ZNF184: variants seen among roughly 807,000 people sequenced by gnomAD.
ZNF184 encodes zinc finger protein 184 (Kruppel-like).
A neutral mutation model predicts 54.4 loss-of-function variants in ZNF184; 16 were observed. That is an observed-to-expected ratio of 0.29 (90% confidence interval 0.20 to 0.45). ZNF184 has a LOEUF of 0.45. Ranked by LOEUF, ZNF184 falls within the 20% of genes least tolerant of loss-of-function variation. The pLI is 1.00. For synonymous variants in ZNF184, 254 were observed against 295.3 expected, an observed-to-expected ratio of 0.86 and a Z score of 1.43; for missense variants, 681 against 888.2, an observed-to-expected ratio of 0.77 and a Z score of 2.97.
At chr6:27,450,053 G>A (rs1048162304), downstream of ZNF184, among the ~76,000 whole-genome samples, 2 of 152,164 alleles carry the variant, frequency 1.3e-5, no homozygotes, top group East Asian at 3.9e-4. Flanking sequence ...AATGTGGTCT[G>A]GAATAGCTAG....
chr6:27,411,413 C>T, the ZNF184 span, among the ~76,000 whole-genome samples: 6 of 152,284 alleles, frequency 3.9e-5, no homozygotes, highest in South Asian at 8.3e-4. Context: ...TGACTAGATA[C>T]GGGCAAGGGA....
Position 27,456,841 on chromosome 6 carries a change from C to T in ZNF184, c.283G>A (p.Val95Ile), listed in dbSNP as rs761422824. The T allele has an allele frequency of 8.7e-6, 14 of 1,614,138 alleles. No individual in the cohort carries two copies. The African/African-American group carries it at 1.7e-4, about 20-fold the overall frequency. ...EPWIMEPSIP[V>I]GTCADWETRL... ...CATGACTTACCTGCACAGGTACCTA[C>T]TGGAATGCTTGGCTCCATGATCCAT... Residue 95 changes from valine (V) to isoleucine (I), a missense_variant, in exon 5 of 6, where the codon GTA (valine) becomes ATA (isoleucine). By Grantham distance (29) the Val-to-Ile change is conservative. Transcript: ENST00000683788.
intron 2 of ZNF184, among the ~76,000 whole-genome samples, 189 bp from the exon 3 acceptor site, chr6:27,468,109 G>A (rs967557978): frequency 2.6e-5 from 4 of 152,168 alleles, no homozygotes; most frequent in African/African-American, 7.2e-5. Context: ...AGGAGGTAAA[G>A]CATTGCTTTA....
chr6:27,419,161 T>C, the ZNF184 span, among the ~76,000 whole-genome samples: 1 of 152,194 alleles, frequency 6.6e-6, no homozygotes, highest in African/African-American at 2.4e-5. The surrounding 1 kb of genome is among the most constrained non-coding windows in gnomAD (Gnocchi z 4.8). Context: ...TGTAGTGCAG[T>C]GGCACAATCT....
chr6:27,406,085 A>G, the ZNF184 span: 1 of 152,188 alleles, frequency 6.6e-6, no homozygotes, highest in Non-Finnish European at 1.5e-5. Flanking sequence ...AATGATATAT[A>G]ATGGGGCTAT....
At chr6:27,457,520 C>A (rs1762888678) in intron 3 of ZNF184, 111 bp from the exon 4 acceptor site, 1 of 1,198,790 alleles carries the variant, frequency 8.3e-7, no homozygotes, top group Non-Finnish European at 1.2e-6. Context: ...GCAAAATAAT[C>A]TTGACATTTT....
chr6:27,461,210 T>C (rs1762986716), intron 3 of ZNF184, among the ~76,000 whole-genome samples: 1 of 152,156 alleles, frequency 6.6e-6, no homozygotes, highest in Non-Finnish European at 1.5e-5. Context: ...TGGGTAGACA[T>C]TCTTCATGTT....
intron 3 of ZNF184, among the ~76,000 whole-genome samples, chr6:27,465,665 G>A (rs1396448787): frequency 4.6e-5 from 7 of 151,956 alleles, no homozygotes; most frequent in East Asian, 1.9e-4. Context: ...GTTTCTCAAC[G>A]ATAAAGGAGT....
At chr6:27,407,801 T>C in the ZNF184 span, 4 of 778,322 alleles carry the variant, frequency 5.1e-6, no homozygotes, top group Non-Finnish European at 9.6e-6. Context: ...TGCACGATTA[T>C]GATGGCAATT....
chr6:27,457,020 T>G, intron 4 of ZNF184, 99 bp from the exon 5 acceptor site: 1 of 1,156,194 alleles, frequency 8.6e-7, no homozygotes, highest in Non-Finnish European at 1.2e-6. Flanking sequence ...TGATATGTAG[T>G]AAAAACCTGA....
downstream of ZNF184, among the ~76,000 whole-genome samples, chr6:27,447,072 C>CAAA (rs1321698681): frequency 3.1e-5 from 1 of 32,010 alleles, no homozygotes; most frequent in Admixed American, 3.8e-4. Flanking sequence ...CCACTGCAAT[C>CAAA]AAAAAAAAAA....
the ZNF184 span, among the ~76,000 whole-genome samples, chr6:27,412,500 CTG>C: frequency 2.6e-5 from 4 of 152,220 alleles, no homozygotes; most frequent in South Asian, 6.2e-4. Flanking sequence ...CCCCTTCACT[CTG>C]TAGTCAGAGC....
the ZNF184 span, among the ~76,000 whole-genome samples, chr6:27,422,927 A>C: frequency 6.6e-6 from 1 of 152,176 alleles, no homozygotes; most frequent in Non-Finnish European, 1.5e-5. Flanking sequence ...TATTGGGTTC[A>C]TAATCGAGAT....
chr6:27,431,101 C>A, the ZNF184 span, among the ~76,000 whole-genome samples: 7 of 152,136 alleles, frequency 4.6e-5, no homozygotes, highest in Admixed American at 1.3e-4. Flanking sequence ...CACCAATAGA[C>A]CCATCCTTTA....
At chr6:27,457,058 G>T in intron 4 of ZNF184, 137 bp from the exon 5 acceptor site, 1 of 937,676 alleles carries the variant, frequency 1.1e-6, no homozygotes, top group Non-Finnish European at 1.6e-6. Flanking sequence ...TCAAGCTTTA[G>T]TGTTACCAGT....
At position 27,452,991 on chromosome 6, in the gene ZNF184, T is replaced by C; in HGVS notation, c.568A>G (p.Ser190Gly). 1 of 1,614,190 alleles carries C rather than the reference T, an allele frequency of 6.2e-7. No individual in the cohort carries two copies. The highest frequency in any genetic ancestry group is 8.5e-7 in the Non-Finnish European group (1 of 1,180,024). ...NNEFGKSVNVSSNLVTQEPSP... is the reference protein window; with the variant it reads ...NNEFGKSVNVGSNLVTQEPSP... The stretch of plus-strand genomic sequence containing the variant: ...GGTTCTTGTGTTACAAGGTTTGAAC[T>C]CACATTGACACTTTTCCCAAATTCA... The change falls in exon 6 of 6, where the codon AGT (serine) becomes GGT (glycine). Residue 190 changes from serine to glycine, a missense_variant. By Grantham distance (56) the Ser-to-Gly change is moderately conservative (BLOSUM62 0). Coordinates refer to ENST00000683788, the MANE Select transcript of ZNF184 (RefSeq NM_001318891.2). The surrounding 1 kb of genome is among the most constrained non-coding windows in gnomAD (Gnocchi z 5.5).
At chr6:27,434,304 G>A in the ZNF184 span, among the ~76,000 whole-genome samples, 1 of 152,094 alleles carries the variant, frequency 6.6e-6, no homozygotes. Context: ...CAAAGCATGG[G>A]TTGCAATTTG....
chr6:27,448,775 T>TC (rs753846654), downstream of ZNF184, among the ~76,000 whole-genome samples: 2 of 134,216 alleles, frequency 1.5e-5, no homozygotes, highest in African/African-American at 5.4e-5. Flanking sequence ...TTTTTTTTTT[T>TC]CCCCCATATC....
At chr6:27,423,828 G>C in the ZNF184 span, among the ~76,000 whole-genome samples, 1 of 152,060 alleles carries the variant, frequency 6.6e-6, no homozygotes, top group Non-Finnish European at 1.5e-5. Flanking sequence ...AACTTTTTCC[G>C]ATGTTAATAT....
Sources: gnomAD v4.1 joint callset for allele counts (sites outside exome capture counted in the v4.1 genomes callset) on GRCh38, gnomAD v4.1.1 for gene constraint, Gnocchi (gnomAD v3.1) non-coding constraint, MANE v1.5 for transcripts, NCBI Gene and HGNC (gene_info 2026-07-23, HGNC 2026-07-21) for gene names.